The following SLC22A24 variants were observed in gnomAD, a reference collection of about 807,000 sequenced individuals.
The protein encoded by SLC22A24 is steroid transmembrane transporter SLC22A24.
In SLC22A24, 53 loss-of-function variants were observed where a neutral mutation model predicts 49.8. The ratio of observed to expected loss-of-function variants is 1.06; its 90% CI spans 0.85 to 1.34. The LOEUF (loss-of-function observed/expected upper bound fraction) is 1.34. SLC22A24 is among the 40% of genes most tolerant of loss of function. SLC22A24 has a pLI of 0.00. For synonymous variants in SLC22A24, 302 were observed against 256.4 expected (o/e 1.18, Z -1.70); for missense variants, 786 against 675.9 (o/e 1.16, Z -1.81).
chr11:63,083,695 G>T (rs762860351), intron 6 of SLC22A24, among the ~76,000 whole-genome samples: 6 of 152,068 alleles, frequency 3.9e-5, no homozygotes, highest in Non-Finnish European at 7.4e-5. Context: ...GCTCTTCATT[G>T]TCATAATTTT....
intron 2 of SLC22A24, among the ~76,000 whole-genome samples, chr11:63,126,729 A>T (rs774949180): frequency 6.6e-6 from 1 of 152,204 alleles, no homozygotes; most frequent in Non-Finnish European, 1.5e-5. Context: ...GATAGCATTG[A>T]ATGTATAAAT....
At position 63,083,403 on chromosome 11, in the gene SLC22A24, C is replaced by T; in HGVS notation, c.1125G>A (p.Gly375=). The T allele has an allele frequency of 6.4e-7, 1 of 1,551,480 alleles. No individual in the cohort carries two copies. The highest frequency in any genetic ancestry group is 8.7e-7 in the Non-Finnish European group (1 of 1,146,872). ...YGLILNLQHL[G]SNVSLFQILC... is the part of the protein sequence containing the mutation. ...GAATCTGGAACAGGGAGACATTGCT[C>T]CCTAAGTGCTGCAAGTTGAGTATCA... The change falls in exon 7 of 10, where the codon GGG becomes GGA. Residue 375 remains glycine, a synonymous_variant. Transcript: ENST00000612278.
chr11:63,085,109 A>G (rs1189075485), intron 6 of SLC22A24, among the ~76,000 whole-genome samples: 3 of 152,166 alleles, frequency 2.0e-5, no homozygotes, highest in Non-Finnish European at 4.4e-5. Context: ...CTTTCTCATT[A>G]TTCGACATGA....
intron 4 of SLC22A24, among the ~76,000 whole-genome samples, chr11:63,113,725 A>G (rs2134662182): frequency 6.6e-6 from 1 of 151,784 alleles, no homozygotes; most frequent in African/African-American, 2.4e-5. Context: ...ATAGTGGCAC[A>G]TGCCTGTAGT....
chr11:63,111,379 G>A (rs532787403), intron 4 of SLC22A24, among the ~76,000 whole-genome samples: 13 of 151,672 alleles, frequency 8.6e-5, no homozygotes, highest in African/African-American at 2.9e-4. Context: ...GAGTTAGGGA[G>A]GATTCCTTCT....
intron 4 of SLC22A24, among the ~76,000 whole-genome samples, chr11:63,108,279 G>T (rs995086305): frequency 6.6e-6 from 1 of 152,174 alleles, no homozygotes; most frequent in African/African-American, 2.4e-5. Flanking sequence ...TCCCAGGGAT[G>T]AAGCCGACTT....
At chr11:63,111,560 T>C (rs988378651) in intron 4 of SLC22A24, among the ~76,000 whole-genome samples, 4 of 152,174 alleles carry the variant, frequency 2.6e-5, no homozygotes, top group African/African-American at 9.7e-5. Context: ...ATTCAACTTC[T>C]TCCTGGTTTA....
chr11:63,097,402 G>A (rs540457546), intron 5 of SLC22A24, among the ~76,000 whole-genome samples: 33 of 152,234 alleles, frequency 2.2e-4, no homozygotes, highest in Non-Finnish European at 1.8e-4. Flanking sequence ...TTAGAATGGC[G>A]ATCATTAAAA....
intron 5 of SLC22A24, among the ~76,000 whole-genome samples, chr11:63,100,452 A>G (rs760286791): frequency 6.6e-6 from 1 of 152,190 alleles, no homozygotes; most frequent in Non-Finnish European, 1.5e-5. Context: ...TTCCATGTTC[A>G]TGGATTGGAT....
intron 4 of SLC22A24, chr11:63,118,677 A>C: frequency 1.8e-6 from 1 of 541,216 alleles, no homozygotes; most frequent in Non-Finnish European, 3.3e-6. Context: ...TTTTCTATTA[A>C]GAAAAATAAT....
At chr11:63,108,496 C>T (rs756686090) in intron 4 of SLC22A24, among the ~76,000 whole-genome samples, 17 of 152,014 alleles carry the variant, frequency 1.1e-4, no homozygotes, top group Admixed American at 2.0e-4. Flanking sequence ...ATAATAGTTT[C>T]GGAAGGAATG....
At chr11:63,090,913 CAAGAATT>C (rs1323058002) in intron 6 of SLC22A24, among the ~76,000 whole-genome samples, 1 of 151,740 alleles carries the variant, frequency 6.6e-6, no homozygotes, top group Non-Finnish European at 1.5e-5. Flanking sequence ...TAGCAGAAGA[CAAGAATT>C]AAGAAATAAG....
chr11:63,113,041 T>TATAC (rs2087179959), intron 4 of SLC22A24, among the ~76,000 whole-genome samples: 1 of 7,386 alleles, frequency 1.4e-4, no homozygotes, highest in African/African-American at 2.0e-4. Context: ...AAAAAATATA[T>TATAC]ATATATATAT....
intron 2 of SLC22A24, among the ~76,000 whole-genome samples, chr11:63,127,442 T>C (rs1374315839): frequency 1.3e-5 from 2 of 152,192 alleles, no homozygotes; most frequent in African/African-American, 2.4e-5. Context: ...TAAACATACG[T>C]GTGCATGTGT....
At chr11:63,112,466 T>A (rs1027598297) in intron 4 of SLC22A24, among the ~76,000 whole-genome samples, 1 of 152,168 alleles carries the variant, frequency 6.6e-6, no homozygotes, top group African/African-American at 2.4e-5. Flanking sequence ...AGTCTCCCAT[T>A]ATTATCGTGT....
chr11:63,104,792 A>C (rs2087110449), intron 4 of SLC22A24, among the ~76,000 whole-genome samples: 1 of 152,122 alleles, frequency 6.6e-6, no homozygotes, highest in African/African-American at 2.4e-5. Context: ...AAACCAGATC[A>C]TTCTGCCCTG....
chr11:63,086,283 C>A (rs184057693), intron 6 of SLC22A24, among the ~76,000 whole-genome samples: 1 of 152,240 alleles, frequency 6.6e-6, no homozygotes, highest in Admixed American at 6.5e-5. Flanking sequence ...CTAGAATCAA[C>A]CTAAATGCCC....
At chr11:63,107,841 A>T (rs566464971) in intron 4 of SLC22A24, among the ~76,000 whole-genome samples, 2 of 152,044 alleles carry the variant, frequency 1.3e-5, no homozygotes, top group East Asian at 3.9e-4. Context: ...GGGCTGAGAC[A>T]ATGGGGTTTT....
In SLC22A24 at chr11:63,111,209, A is replaced by C. The variant is rs1043074416; in HGVS notation, c.831-6911T>G. ...TCCCAGGGATGAAGCCCACTTGATC[A>C]TGGTGGATAAGCTTTTTGATGTGCT... On this transcript the variant is annotated intron_variant, in intron 4 of 9. Transcript: ENST00000612278. Among the ~76,000 whole-genome samples the C allele has an allele frequency of 8.2e-4, 124 of 151,854 alleles. 4 individuals carry two copies. The South Asian group carries it at 0.026, about 31-fold the overall frequency.
Sources: gnomAD v4.1 joint callset for allele counts (sites outside exome capture counted in the v4.1 genomes callset) on GRCh38, gnomAD v4.1.1 for gene constraint, MANE v1.5 for transcripts, NCBI Gene and HGNC (gene_info 2026-07-23, HGNC 2026-07-21) for gene names.